The following SOX5 variants were observed in gnomAD, a reference collection of about 807,000 sequenced individuals.
SOX5 encodes SRY-box transcription factor 5, also known as transcription factor SOX-5.
SOX5 carries 9 observed loss-of-function variants against 92.0 expected under a neutral mutation model. That is an observed-to-expected ratio of 0.10 (90% CI 0.06 to 0.17). The LOEUF is 0.17. Among genes scored for constraint, SOX5 ranks in the 10% least tolerant of loss-of-function variants. The pLI is 1.00. For missense variants in SOX5, 642 were observed against 944.5 expected (o/e 0.68, Z 4.20); for synonymous variants, 344 against 336.3 (o/e 1.02, Z -0.25).
At chr12:24,070,770 TCAAA>T (rs905136924) in intron 4 of SOX5, among the ~76,000 whole-genome samples, 3 of 152,190 alleles carry the variant, frequency 2.0e-5, no homozygotes, top group African/African-American at 7.2e-5. Context: ...AGTGTACAGC[TCAAA>T]CAATTTTTAC....
intron 4 of SOX5, among the ~76,000 whole-genome samples, chr12:23,977,513 A>G (rs1206544008): frequency 6.6e-6 from 1 of 152,078 alleles, no homozygotes; most frequent in Non-Finnish European, 1.5e-5. Context: ...CTACTAAAGA[A>G]TTAGCCGGGA....
At chr12:24,387,637 A>G (rs1012524480) in intron 1 of SOX5, among the ~76,000 whole-genome samples, 1 of 152,178 alleles carries the variant, frequency 6.6e-6, no homozygotes, top group Non-Finnish European at 1.5e-5. Flanking sequence ...GACATCTTTC[A>G]TGAAAGATGA....
At position 23,575,536 on chromosome 12, in the gene SOX5, T is replaced by G. The variant is rs917380616; in HGVS notation, c.1342+125A>C. ...GTTTAAAACGGACCTAGGTGGTTCCTCAAATTGAAGCTGTCCTATAGAATT... is the reference window on the plus strand; with the variant it reads ...GTTTAAAACGGACCTAGGTGGTTCCGCAAATTGAAGCTGTCCTATAGAATT... On this transcript the variant is annotated intron_variant, in intron 10 of 14. Transcript: ENST00000451604. 6 of 846,654 alleles carry G rather than the reference T, an allele frequency of 7.1e-6. No individual in the cohort carries two copies. The African/African-American group carries it at 1.0e-4, about 15-fold the overall frequency. The allele number at this position is 846,654 out of a possible 1,614,324, so 52.4% of individuals were successfully genotyped here. A position where few individuals can be genotyped will look rare whatever the true frequency, so the allele number is the denominator to read the frequency against.
chr12:24,398,305 C>G (rs546887570), intron 1 of SOX5, among the ~76,000 whole-genome samples: 1 of 152,182 alleles, frequency 6.6e-6, no homozygotes, highest in Admixed American at 6.5e-5. Flanking sequence ...GAGTTTGAGA[C>G]AAGCCTGAGC....
At chr12:23,821,977 C>G (rs7303462) in intron 3 of SOX5, among the ~76,000 whole-genome samples, 26,145 of 151,742 alleles carry the variant, frequency 0.17, 2,502 homozygotes, top group African/African-American at 0.26. Context: ...GGTGATATCC[C>G]CTTTATCATT....
chr12:24,475,481 T>A (rs1945264959), intron 1 of SOX5, among the ~76,000 whole-genome samples: 1 of 152,172 alleles, frequency 6.6e-6, no homozygotes, highest in African/African-American at 2.4e-5. Context: ...TTGGTAGTGA[T>A]GAGAGTGATG....
At chr12:24,075,470 C>T (rs929549588) in intron 4 of SOX5, among the ~76,000 whole-genome samples, 1 of 151,654 alleles carries the variant, frequency 6.6e-6, no homozygotes, top group African/African-American at 2.4e-5. Context: ...ATTATCTGGA[C>T]CGTAGGAAAA....
At chr12:24,133,104 G>C (rs1949800419) in intron 4 of SOX5, among the ~76,000 whole-genome samples, 1 of 152,142 alleles carries the variant, frequency 6.6e-6, no homozygotes, top group South Asian at 2.1e-4. Flanking sequence ...GGAATATAAA[G>C]CACTCACTGG....
intron 2 of SOX5, among the ~76,000 whole-genome samples, chr12:24,295,159 T>TATAAGTATATATGAGTAAAC (rs1329783802): frequency 3.3e-5 from 5 of 151,906 alleles, no homozygotes; most frequent in East Asian, 3.9e-4. Flanking sequence ...TATGAGTAAA[T>TATAAGTATATATGAGTAAAC]ATAAGTATAT....
intron 3 of SOX5, among the ~76,000 whole-genome samples, chr12:24,234,701 GGCTTA>G (rs1473758905): frequency 6.6e-6 from 1 of 152,100 alleles, no homozygotes; most frequent in Non-Finnish European, 1.5e-5. Flanking sequence ...ACCTTTTGAT[GGCTTA>G]TAGTTATGCT....
intron 2 of SOX5, among the ~76,000 whole-genome samples, chr12:24,284,141 G>A (rs183637337): frequency 2.8e-4 from 43 of 152,310 alleles, no homozygotes; most frequent in Admixed American, 8.5e-4. Context: ...TTATCTTTGG[G>A]GGATTCAGAA....
chr12:24,220,996 T>C (rs938657041), intron 3 of SOX5, among the ~76,000 whole-genome samples: 23 of 152,206 alleles, frequency 1.5e-4, no homozygotes, highest in Non-Finnish European at 3.4e-4. Context: ...GTGCCCATGG[T>C]TAACTCCACT....
At chr12:24,204,717 A>G (rs976176088) in intron 4 of SOX5, among the ~76,000 whole-genome samples, 2 of 152,184 alleles carry the variant, frequency 1.3e-5, no homozygotes, top group African/African-American at 4.8e-5. Flanking sequence ...GTGTGTATGT[A>G]GATTTGTTTA....
At chr12:24,167,933 G>T (rs753489510) in intron 4 of SOX5, among the ~76,000 whole-genome samples, 1 of 152,114 alleles carries the variant, frequency 6.6e-6, no homozygotes, top group Non-Finnish European at 1.5e-5. Flanking sequence ...GTTCCTCAAC[G>T]TTCTCACTGC....
intron 2 of SOX5, among the ~76,000 whole-genome samples, chr12:23,890,746 C>A (rs2097122588): frequency 6.6e-6 from 1 of 151,750 alleles, no homozygotes; most frequent in Admixed American, 6.6e-5. Flanking sequence ...TTAACAGTGA[C>A]CCCAAAATTA....
chr12:24,128,421 TGTAATTGTAA>T (rs1462417891), intron 4 of SOX5, among the ~76,000 whole-genome samples: 2 of 152,194 alleles, frequency 1.3e-5, no homozygotes, highest in African/African-American at 4.8e-5. Context: ...TACCAAATAC[TGTAATTGTAA>T]GCATACAAAG....
rs144594623 is a variant in SOX5, at chr12:24,063,947, C to T, written c.-2+149396G>A. Among the ~76,000 whole-genome samples, 511 of 152,162 alleles carry T rather than the reference C, an allele frequency of 3.4e-3. 3 individuals are homozygous for T. Among genetic ancestry groups the T allele is most frequent in the African/African-American group, 0.012 (491 of 41,504 alleles). On this transcript the variant is annotated intron_variant, in intron 4 of 4. Transcript: ENST00000446891. ...AAGTCAAATAATGTATACAAAAGTA[C>T]TTTATAAATAGAAAATGCCACACAG...
rs141982664 is a variant in SOX5 at position 23,968,146 on chromosome 12, C to A, written c.-1-72122G>T. On this transcript the variant is annotated intron_variant, in intron 4 of 4. Transcript: ENST00000446891. Reference sequence around the variant, plus strand: ...ACTAGTGTTCCTAGTAGTTTCTTTGCCCCTTTTCAGCTAAATAACTTCAAA... The same window carrying A: ...ACTAGTGTTCCTAGTAGTTTCTTTGACCCTTTTCAGCTAAATAACTTCAAA... Among the ~76,000 whole-genome samples the A allele has an allele frequency of 2.6e-5, 4 of 152,260 alleles. No homozygotes were observed. The East Asian group carries it at 7.7e-4, about 29-fold the overall frequency.
intron 6 of SOX5, among the ~76,000 whole-genome samples, chr12:23,700,108 T>TAAGCCTTGATCTTGG (rs2090422075): frequency 1.3e-5 from 2 of 152,272 alleles, no homozygotes; most frequent in South Asian, 2.1e-4. Flanking sequence ...AACTGCTCTG[T>TAAGCCTTGATCTTGG]AAGCCTTGAT....
Sources: allele counts gnomAD v4.1 joint callset (sites outside exome capture counted in the v4.1 genomes callset), GRCh38; gene constraint gnomAD v4.1.1; transcripts MANE v1.5; gene names NCBI Gene and HGNC (gene_info 2026-07-23, HGNC 2026-07-21).